Variants in DYRK1A observed in about 807,000 individuals in gnomAD.
DYRK1A encodes the protein dual specificity tyrosine-phosphorylation-regulated kinase 1A.
In DYRK1A, 9 loss-of-function variants were observed where a neutral mutation model predicts 79.7. That is an observed-to-expected ratio of 0.11 (90% CI 0.07 to 0.20). The LOEUF (loss-of-function observed/expected upper bound fraction) is 0.20. DYRK1A is among the 10% of genes least tolerant of loss of function. The pLI is 1.00. For missense variants in DYRK1A, 622 were observed against 956.0 expected (o/e 0.65, Z 4.61); for synonymous variants, 349 against 329.7 (o/e 1.06, Z -0.63).
chr21:37,477,580 A>C (rs534339581), intron 3 of DYRK1A, among the ~76,000 whole-genome samples: 2 of 152,292 alleles, frequency 1.3e-5, no homozygotes, highest in East Asian at 1.9e-4. Flanking sequence ...GTCGAGAGCC[A>C]TGAGTTGGGA....
intron 2 of DYRK1A, among the ~76,000 whole-genome samples, chr21:37,434,149 C>G (rs1393246626): frequency 2.0e-5 from 3 of 152,188 alleles, no homozygotes; most frequent in Non-Finnish European, 4.4e-5. Flanking sequence ...ATAGGACCAG[C>G]ATGCTCTTCT....
chr21:37,500,929 C>CTTTTTTTTTTT (rs898795722), intron 9 of DYRK1A, among the ~76,000 whole-genome samples: 1 of 144,060 alleles, frequency 6.9e-6, no homozygotes, highest in African/African-American at 2.5e-5. Flanking sequence ...TTGTTGATTT[C>CTTTTTTTTTTT]TTTTTTTTTT....
At chr21:37,399,821 A>G (rs2050022007) in intron 1 of DYRK1A, among the ~76,000 whole-genome samples, 1 of 152,208 alleles carries the variant, frequency 6.6e-6, no homozygotes, top group African/African-American at 2.4e-5. Flanking sequence ...TCATCCCAGA[A>G]TGCAAATTAA....
intron 1 of DYRK1A, among the ~76,000 whole-genome samples, chr21:37,417,529 C>CCT (rs2050371498): frequency 2.3e-5 from 1 of 44,070 alleles, no homozygotes; most frequent in Admixed American, 3.2e-4. Flanking sequence ...TTTTCTTTTT[C>CCT]TTTTTTTTTT....
chr21:37,482,117 C>G (rs2052665052), intron 5 of DYRK1A, among the ~76,000 whole-genome samples: 1 of 152,150 alleles, frequency 6.6e-6, no homozygotes, highest in Admixed American at 6.5e-5. Flanking sequence ...AACTATGGAA[C>G]CTGCATGTGC....
intron 1 of DYRK1A, among the ~76,000 whole-genome samples, chr21:37,383,530 G>C (rs1382791002): frequency 6.6e-5 from 10 of 152,176 alleles, no homozygotes; most frequent in African/African-American, 2.4e-4. Flanking sequence ...GAACTCTCCT[G>C]GGTCAGGTTT....
rs1569414508 is a variant in DYRK1A at position 37,522,158 on chromosome 21, T to G, written c.*9627T>G. On this transcript the variant is annotated 3_prime_UTR_variant, in exon 12 of 12. Transcript: ENST00000647188. ...TTAGATCTATCAAGGGATAGAAGAT[T>G]GTCCAGCCCCTTGCTGCCCAGTGTA... 6.6e-6 allele frequency: 1 copy of G among 152,184 alleles called. No homozygotes were observed. Among genetic ancestry groups the G allele is most frequent in the East Asian group, 1.9e-4 (1 of 5,200 alleles). The allele number at this position is 152,184 out of a possible 1,614,324, so 9.4% of individuals were successfully genotyped here. A position where few individuals can be genotyped will look rare whatever the true frequency, so the allele number is the denominator to read the frequency against.
chr21:37,414,256 CTT>C (rs1313003833), intron 1 of DYRK1A, among the ~76,000 whole-genome samples: 1 of 151,960 alleles, frequency 6.6e-6, no homozygotes, highest in African/African-American at 2.4e-5. Flanking sequence ...TTTTTCCTCC[CTT>C]TTTGAGTAGG....
At chr21:37,367,706 G>T (rs2049338381) in intron 1 of DYRK1A, 78 bp downstream of exon 1, 1 of 145,686 alleles carries the variant, frequency 6.9e-6, no homozygotes, top group South Asian at 2.2e-4. Flanking sequence ...GGCCGGAGCC[G>T]AGGCCGGCCG....
At chr21:37,482,828 C>T (rs986846193) in intron 5 of DYRK1A, among the ~76,000 whole-genome samples, 3 of 152,154 alleles carry the variant, frequency 2.0e-5, no homozygotes, top group Non-Finnish European at 4.4e-5. Flanking sequence ...AGGGATGTTC[C>T]TTGCTGAGAA....
chr21:37,429,096 A>T (rs1435050133), intron 2 of DYRK1A, among the ~76,000 whole-genome samples: 2 of 152,240 alleles, frequency 1.3e-5, no homozygotes, highest in African/African-American at 2.4e-5. Flanking sequence ...AACACAAATA[A>T]GTTAATTTTA....
chr21:37,475,103 A>T (rs2148561992), intron 3 of DYRK1A, among the ~76,000 whole-genome samples: 1 of 152,350 alleles, frequency 6.6e-6, no homozygotes, highest in East Asian at 1.9e-4. Flanking sequence ...TAACTGATCT[A>T]AGCAGGAGGT....
At chr21:37,390,098 G>T (rs897998787) in intron 1 of DYRK1A, among the ~76,000 whole-genome samples, 3 of 151,402 alleles carry the variant, frequency 2.0e-5, no homozygotes, top group African/African-American at 4.9e-5. Flanking sequence ...CTTCACTTTT[G>T]TTTTCAGTCC....
chr21:37,369,954 A>G (rs374426111), intron 1 of DYRK1A, among the ~76,000 whole-genome samples: 2 of 152,346 alleles, frequency 1.3e-5, no homozygotes, highest in South Asian at 2.1e-4. Flanking sequence ...ATTCCATATT[A>G]GTGTAATGTC....
chr21:37,516,103 G>C lies in DYRK1A; in HGVS notation c.*3572G>C, dbSNP rs1259370032. ...AGTCGCAGAATGCAGGTTCAGATGC[G>C]ATCCGGTGCATTCTGGGTGGTATCC... is the stretch of plus-strand genomic sequence containing the variant. On this transcript the variant is annotated 3_prime_UTR_variant, in exon 12 of 12. Coordinates refer to ENST00000647188, the MANE Select transcript of DYRK1A (RefSeq NM_001347721.2). The C allele has an allele frequency of 6.6e-6, 1 of 152,172 alleles. No homozygotes were observed. Among genetic ancestry groups the C allele is most frequent in the Non-Finnish European group, 1.5e-5 (1 of 68,030 alleles). 9.4% of individuals were successfully genotyped at this position (152,172 alleles called of 1,614,324 possible). A position where few individuals can be genotyped will look rare whatever the true frequency, so the allele number is the denominator to read the frequency against.
At chr21:37,495,111 A>G (rs2053221560) in intron 8 of DYRK1A, among the ~76,000 whole-genome samples, 1 of 151,758 alleles carries the variant, frequency 6.6e-6, no homozygotes, top group African/African-American at 2.4e-5. Flanking sequence ...TACTTAAAAA[A>G]GTACTTTATT....
intron 1 of DYRK1A, among the ~76,000 whole-genome samples, chr21:37,415,267 A>C (rs1171604334): frequency 6.6e-6 from 1 of 152,184 alleles, no homozygotes; most frequent in Non-Finnish European, 1.5e-5. Flanking sequence ...ACATAATTGC[A>C]TGAGAAAGCA....
At chr21:37,431,329 C>T (rs758312188) in intron 2 of DYRK1A, among the ~76,000 whole-genome samples, 6 of 152,148 alleles carry the variant, frequency 3.9e-5, no homozygotes, top group African/African-American at 1.4e-4. Context: ...TCTCTTTTTA[C>T]CAATGAATTC....
intron 3 of DYRK1A, among the ~76,000 whole-genome samples, chr21:37,474,565 C>G (rs965793186): frequency 3.3e-5 from 5 of 152,244 alleles, no homozygotes; most frequent in African/African-American, 9.6e-5. Flanking sequence ...AGGTCTTGGC[C>G]GGCTCATGAT....
Sources: allele counts gnomAD v4.1 joint callset (sites outside exome capture counted in the v4.1 genomes callset), GRCh38; gene constraint gnomAD v4.1.1; transcripts MANE v1.5; gene names NCBI Gene and HGNC (gene_info 2026-07-23, HGNC 2026-07-21).